C8orf34: variants seen among roughly 807,000 people sequenced by gnomAD.
C8orf34 encodes uncharacterized protein C8orf34.
In C8orf34, 65 loss-of-function variants were observed where a neutral mutation model predicts 68.3. The observed-to-expected ratio is 0.95, with a 90% CI of 0.78 to 1.17. The LOEUF is 1.17. Ranked by LOEUF, C8orf34 falls within the 50% of genes most tolerant of loss-of-function variation. The probability of loss-of-function intolerance (pLI) is 0.00; values close to 1 mark genes in which losing one functional copy is unlikely to be tolerated. For missense variants in C8orf34, 664 were observed against 655.4 expected (o/e 1.01, Z -0.14); for synonymous variants, 244 against 241.2 (o/e 1.01, Z -0.11).
At chr8:68,645,206 G>T (rs1310330449) in intron 8 of C8orf34, among the ~76,000 whole-genome samples, 1 of 152,118 alleles carries the variant, frequency 6.6e-6, no homozygotes, top group Admixed American at 6.5e-5. Flanking sequence ...TAAAAGCTGG[G>T]TTTTTAGCTG....
At chr8:68,605,270 A>G (rs950137244) in intron 7 of C8orf34, among the ~76,000 whole-genome samples, 3 of 152,166 alleles carry the variant, frequency 2.0e-5, no homozygotes, top group Non-Finnish European at 4.4e-5. Context: ...GGAATGCGAA[A>G]TAGTACAGTC....
intron 1 of C8orf34, among the ~76,000 whole-genome samples, chr8:68,336,517 G>A (rs1237877592): frequency 6.6e-6 from 1 of 152,168 alleles, no homozygotes; most frequent in Non-Finnish European, 1.5e-5. Context: ...GATTGAAATT[G>A]GAGGTGTTGG....
intron 10 of C8orf34, among the ~76,000 whole-genome samples, chr8:68,767,430 C>T (rs1272996278): frequency 6.6e-6 from 1 of 152,144 alleles, no homozygotes; most frequent in African/African-American, 2.4e-5. Flanking sequence ...CTATAGGTGC[C>T]TCCTCCATCC....
intron 7 of C8orf34, among the ~76,000 whole-genome samples, chr8:68,565,852 A>G (rs977720142): frequency 6.6e-6 from 1 of 152,134 alleles, no homozygotes; most frequent in Non-Finnish European, 1.5e-5. Flanking sequence ...GAACATAGCT[A>G]TGTAGCTACA....
At chr8:68,724,733 G>A (rs931897628) in intron 10 of C8orf34, among the ~76,000 whole-genome samples, 1 of 152,098 alleles carries the variant, frequency 6.6e-6, no homozygotes, top group African/African-American at 2.4e-5. Flanking sequence ...ACCATGAAAA[G>A]AAAATACCAA....
Position 68,643,359 on chromosome 8 carries a change from A to G in C8orf34, c.1241+2848A>G, listed in dbSNP as rs77526394. On this transcript the variant is annotated intron_variant, in intron 8 of 13. Transcript: ENST00000518698. ...AGCAATTATCAGAGGCAGAAGTCAT[A>G]AACAGAATCACGGTGGGGAATGTCT... Among the ~76,000 whole-genome samples the G allele has an allele frequency of 8.3e-3, 1,261 of 152,334 alleles. 19 individuals are homozygous for G. The highest frequency in any genetic ancestry group is 0.029 in the African/African-American group (1,199 of 41,590).
chr8:68,429,812 G>A (rs1369885649), intron 1 of C8orf34, among the ~76,000 whole-genome samples: 4 of 152,194 alleles, frequency 2.6e-5, no homozygotes, highest in Non-Finnish European at 5.9e-5. Context: ...GATATTGTAT[G>A]TGCCTGTTTA....
chr8:68,343,705 T>G (rs1371973630), intron 1 of C8orf34, among the ~76,000 whole-genome samples: 4 of 152,070 alleles, frequency 2.6e-5, no homozygotes, highest in African/African-American at 7.2e-5. Context: ...ACGATCCTTC[T>G]GCCTCAGCCT....
chr8:68,464,680 A>G (rs1812024226), intron 3 of C8orf34, among the ~76,000 whole-genome samples: 1 of 151,790 alleles, frequency 6.6e-6, no homozygotes, highest in African/African-American at 2.4e-5. Flanking sequence ...GACAAACCTG[A>G]GAAAAACAAG....
chr8:68,406,628 T>G (rs982065924), intron 1 of C8orf34, among the ~76,000 whole-genome samples: 2 of 152,000 alleles, frequency 1.3e-5, no homozygotes, highest in African/African-American at 4.8e-5. Flanking sequence ...TTCAAGTAGC[T>G]GGGACTATAG....
chr8:68,685,129 G>A (rs928169337), intron 8 of C8orf34, among the ~76,000 whole-genome samples: 2 of 151,838 alleles, frequency 1.3e-5, no homozygotes, highest in Admixed American at 6.6e-5. Flanking sequence ...TTCATACTAC[G>A]GTAACATATA....
intron 8 of C8orf34, among the ~76,000 whole-genome samples, chr8:68,681,254 T>G (rs910971480): frequency 6.6e-6 from 1 of 152,238 alleles, no homozygotes; most frequent in Non-Finnish European, 1.5e-5. Flanking sequence ...ATCCTCAGCT[T>G]ACGAAGATAA....
intron 8 of C8orf34, among the ~76,000 whole-genome samples, chr8:68,669,370 T>A (rs1354346269): frequency 6.6e-6 from 1 of 152,106 alleles, no homozygotes; most frequent in Non-Finnish European, 1.5e-5. Flanking sequence ...AAAAAAATGA[T>A]CCTTTAGCAA....
intron 7 of C8orf34, among the ~76,000 whole-genome samples, chr8:68,565,727 G>A (rs1816568222): frequency 6.6e-6 from 1 of 152,144 alleles, no homozygotes; most frequent in Admixed American, 6.5e-5. Context: ...CTGGCAGTGT[G>A]TCTAGATTTA....
rs186631454 is a variant in C8orf34, at chr8:68,450,698, C to A, written c.607+4238C>A. 1.1e-4 allele frequency among the ~76,000 whole-genome samples: 16 copies of A among 152,212 alleles called. No homozygotes were observed. The East Asian group carries it at 2.7e-3, about 26-fold the overall frequency. ...CTTAGCAGTAGGTCTCAAGATCGGG[C>A]TTAAAATGATCAGTAAACCATGCTG... On this transcript the variant is annotated intron_variant, in intron 3 of 13. Coordinates refer to ENST00000518698, the MANE Select transcript of C8orf34 (RefSeq NM_052958.4).
At chr8:68,547,548 C>A (rs1426328412) in intron 7 of C8orf34, among the ~76,000 whole-genome samples, 5 of 151,476 alleles carry the variant, frequency 3.3e-5, no homozygotes, top group African/African-American at 9.7e-5. Context: ...ATAGCTGATA[C>A]CAAAACCTGG....
At chr8:68,749,899 A>G (rs1822651693) in intron 10 of C8orf34, among the ~76,000 whole-genome samples, 2 of 152,150 alleles carry the variant, frequency 1.3e-5, no homozygotes, top group African/African-American at 4.8e-5. Flanking sequence ...GATTGTTTTT[A>G]ATACTGGGCT....
chr8:68,753,717 G>A (rs1822769543), intron 10 of C8orf34, among the ~76,000 whole-genome samples: 1 of 152,216 alleles, frequency 6.6e-6, no homozygotes, highest in East Asian at 1.9e-4. Flanking sequence ...AGTTTACTGA[G>A]ATAGGCCCTG....
At chr8:68,753,957 G>A (rs1822780958) in intron 10 of C8orf34, among the ~76,000 whole-genome samples, 1 of 152,098 alleles carries the variant, frequency 6.6e-6, no homozygotes. Flanking sequence ...TGCTGGAGAG[G>A]TCAAGTCATG....
Sources: allele counts gnomAD v4.1 joint callset (sites outside exome capture counted in the v4.1 genomes callset), GRCh38; gene constraint gnomAD v4.1.1; transcripts MANE v1.5; gene names NCBI Gene and HGNC (gene_info 2026-07-23, HGNC 2026-07-21).